The following SH3D19 variants were observed in gnomAD, a reference collection of about 807,000 sequenced individuals.
SH3D19 encodes SH3 domain containing 19.
SH3D19 carries 58 observed loss-of-function variants against 112.1 expected under a neutral mutation model. The ratio of observed to expected loss-of-function variants is 0.52; its 90% CI spans 0.42 to 0.64. SH3D19 has a LOEUF of 0.64. Ranked by LOEUF, SH3D19 falls within the 30% of genes least tolerant of loss-of-function variation. The pLI is 0.00. For synonymous variants in SH3D19, 391 were observed against 448.5 expected (o/e 0.87, Z 1.62); for missense variants, 1,090 against 1,263.4 (o/e 0.86, Z 2.08).
chr4:151,322,399 C>CTCCA (rs1179791708), intron 1 of SH3D19, among the ~76,000 whole-genome samples: 1 of 142,112 alleles, frequency 7.0e-6, no homozygotes, highest in Non-Finnish European at 1.5e-5. Context: ...CGCCACTAGA[C>CTCCA]TCCAGCCTGG....
intron 7 of SH3D19, among the ~76,000 whole-genome samples, chr4:151,174,206 G>C (rs1436144944): frequency 6.6e-6 from 1 of 152,154 alleles, no homozygotes; most frequent in African/African-American, 2.4e-5. Context: ...TTCATCTGAG[G>C]AGCCCCTCTG....
intron 1 of SH3D19, among the ~76,000 whole-genome samples, chr4:151,263,382 G>C (rs1320605176): frequency 6.6e-6 from 1 of 152,176 alleles, no homozygotes; most frequent in Non-Finnish European, 1.5e-5. Flanking sequence ...ACTGGATTCT[G>C]AGGAAAAAGT....
At chr4:151,275,846 TTA>T (rs1412056153) in intron 1 of SH3D19, among the ~76,000 whole-genome samples, 168 of 42,628 alleles carry the variant, frequency 3.9e-3, no homozygotes, top group African/African-American at 8.2e-3. Flanking sequence ...ATTATTATTA[TTA>T]TTTTTTTTTT....
At chr4:151,160,475 A>G (rs1319876152) in intron 8 of SH3D19, among the ~76,000 whole-genome samples, 10 of 152,194 alleles carry the variant, frequency 6.6e-5, no homozygotes, top group African/African-American at 2.2e-4. Flanking sequence ...AACCACACCC[A>G]CATCAGTGAT....
chr4:151,159,423 C>T, intron 8 of SH3D19, 71 bp from the exon 9 acceptor site: 1 of 906,752 alleles, frequency 1.1e-6, no homozygotes, highest in South Asian at 1.7e-5. Context: ...ATGATTGCTG[C>T]TTAGTTTATT....
At position 151,286,988 on chromosome 4, in the gene SH3D19, T is replaced by TAAG. The variant is rs1223508993; in HGVS notation, c.112+38252_112+38253insCTT. Reference sequence around the variant, plus strand: ...GAGTGAGATTCTGTCTCAAAAATAATAATAATAATAATAATAATAATAGTA... The same window carrying TAAG: ...GAGTGAGATTCTGTCTCAAAAATAATAAGAATAATAATAATAATAATAATAGTA... On this transcript the variant is annotated intron_variant, in intron 1 of 19. Transcript: ENST00000604030. 2.9e-4 allele frequency among the ~76,000 whole-genome samples: 36 copies of TAAG among 123,168 alleles called. No individual in the cohort carries two copies. In the South Asian group the frequency reaches 8.2e-3, roughly 28 times the overall value. 80.8% of individuals were successfully genotyped at this position (123,168 alleles called of 152,430 possible).
At chr4:151,316,892 T>C (rs963657914) in intron 1 of SH3D19, among the ~76,000 whole-genome samples, 5 of 152,176 alleles carry the variant, frequency 3.3e-5, no homozygotes, top group Admixed American at 1.3e-4. Context: ...TCCTCAACCT[T>C]TACCCTGCCC....
At chr4:151,322,420 A>G in intron 1 of SH3D19, among the ~76,000 whole-genome samples, 1 of 145,434 alleles carries the variant, frequency 6.9e-6, no homozygotes, top group African/African-American at 2.7e-5. Flanking sequence ...GCGACAGAGC[A>G]AGACTCTGCC....
intron 8 of SH3D19, among the ~76,000 whole-genome samples, chr4:151,162,547 T>C (rs1017557447): frequency 1.1e-4 from 17 of 151,768 alleles, no homozygotes; most frequent in Admixed American, 5.9e-4. Context: ...AAAGTAAACA[T>C]AGCAGGTCTG....
chr4:151,291,733 C>T (rs1775352997), intron 1 of SH3D19, among the ~76,000 whole-genome samples: 1 of 152,110 alleles, frequency 6.6e-6, no homozygotes, highest in Non-Finnish European at 1.5e-5. Context: ...TATTTGTAGA[C>T]ACAAATTAAA....
At chr4:151,178,707 T>C (rs779744537) in intron 4 of SH3D19, among the ~76,000 whole-genome samples, 38 of 152,178 alleles carry the variant, frequency 2.5e-4, no homozygotes, top group Admixed American at 2.0e-4. Context: ...CCTTCATTAT[T>C]CTATACTATA....
At chr4:151,281,506 C>CTTGTAATCCCAGCACT (rs1774233636) in intron 1 of SH3D19, among the ~76,000 whole-genome samples, 1 of 151,918 alleles carries the variant, frequency 6.6e-6, no homozygotes, top group South Asian at 2.1e-4. Context: ...CAATCCTCAC[C>CTTGTAATCCCAGCACT]TTCCACACTA....
At chr4:151,147,709 A>G (rs1263862784) in intron 11 of SH3D19, among the ~76,000 whole-genome samples, 1 of 152,158 alleles carries the variant, frequency 6.6e-6, no homozygotes, top group African/African-American at 2.4e-5. Flanking sequence ...CTGATCCACC[A>G]GCCTCAGCTT....
intron 11 of SH3D19, among the ~76,000 whole-genome samples, chr4:151,146,302 TA>T (rs1308413409): frequency 6.6e-6 from 1 of 152,172 alleles, no homozygotes; most frequent in Non-Finnish European, 1.5e-5. Flanking sequence ...ATTTTTATTT[TA>T]TTTTTTTTTT....
chr4:151,159,871 A>G (rs1288908452), intron 8 of SH3D19, among the ~76,000 whole-genome samples: 1 of 152,212 alleles, frequency 6.6e-6, no homozygotes, highest in Non-Finnish European at 1.5e-5. Flanking sequence ...TCTATCGCAC[A>G]GTGCTACACT....
intron 1 of SH3D19, among the ~76,000 whole-genome samples, chr4:151,287,782 C>T (rs1055770228): frequency 3.3e-5 from 5 of 152,054 alleles, no homozygotes; most frequent in African/African-American, 1.2e-4. Context: ...CGGTAGGCTG[C>T]GGTGGGATGA....
chr4:151,222,148 C>T (rs1280543456), intron 2 of SH3D19, among the ~76,000 whole-genome samples: 1 of 152,192 alleles, frequency 6.6e-6, no homozygotes, highest in African/African-American at 2.4e-5. Context: ...AATTCTTCCT[C>T]ATTTTGTGCA....
intron 1 of SH3D19, among the ~76,000 whole-genome samples, chr4:151,263,734 A>G (rs1772553553): frequency 6.6e-6 from 1 of 151,932 alleles, no homozygotes. Flanking sequence ...GGCTTCTCCC[A>G]GAGTGAATGA....
At chr4:151,300,585 T>C (rs1728303209) in intron 1 of SH3D19, 1 of 151,306 alleles carries the variant, frequency 6.6e-6, no homozygotes, top group African/African-American at 2.4e-5. Flanking sequence ...AAGGGTGACA[T>C]GCAAATTCAT....
Sources: gnomAD v4.1 joint callset for allele counts (sites outside exome capture counted in the v4.1 genomes callset) on GRCh38, gnomAD v4.1.1 for gene constraint, MANE v1.5 for transcripts, NCBI Gene and HGNC (gene_info 2026-07-23, HGNC 2026-07-21) for gene names.